Variants in HIBADH observed in about 807,000 individuals in gnomAD.
HIBADH encodes the protein 3-hydroxyisobutyrate dehydrogenase, also known as 3-hydroxyisobutyrate dehydrogenase, mitochondrial.
Under a neutral mutation model 36.1 loss-of-function variants are expected in HIBADH, and 25 were observed. The observed-to-expected ratio is 0.69, with a 90% CI of 0.50 to 0.97. The LOEUF (loss-of-function observed/expected upper bound fraction) is 0.97. Ranked by LOEUF, HIBADH falls within the 50% of genes least tolerant of loss-of-function variation. HIBADH has a pLI of 0.00. For synonymous variants in HIBADH, 160 were observed against 149.5 expected (o/e 1.07, Z -0.51); for missense variants, 421 against 418.0 (o/e 1.01, Z -0.06).
intron 4 of HIBADH, among the ~76,000 whole-genome samples, chr7:27,550,218 TA>T (rs560291536): frequency 2.9e-4 from 44 of 152,228 alleles, no homozygotes; most frequent in African/African-American, 1.0e-3. Flanking sequence ...CAGCATTTCT[TA>T]TATAATCTCA....
intron 4 of HIBADH, among the ~76,000 whole-genome samples, chr7:27,597,536 T>C (rs1392660100): frequency 6.6e-6 from 1 of 151,904 alleles, no homozygotes; most frequent in Admixed American, 6.6e-5. Flanking sequence ...GCTACACCAC[T>C]ATAAGAGGCA....
chr7:27,586,303 C>T (rs1350637917), intron 4 of HIBADH, among the ~76,000 whole-genome samples: 5 of 147,674 alleles, frequency 3.4e-5, no homozygotes, highest in Non-Finnish European at 7.4e-5. Flanking sequence ...TTACAATAAT[C>T]CAGAGCAACT....
intron 4 of HIBADH, among the ~76,000 whole-genome samples, chr7:27,621,488 TA>T (rs1283730386): frequency 6.6e-6 from 1 of 152,192 alleles, no homozygotes; most frequent in Non-Finnish European, 1.5e-5. Context: ...TAAGTCTGAA[TA>T]ACTTTTAAAA....
intron 2 of HIBADH, among the ~76,000 whole-genome samples, chr7:27,642,519 T>G (rs932942993): frequency 1.3e-5 from 2 of 152,226 alleles, no homozygotes; most frequent in African/African-American, 4.8e-5. Context: ...CTATCTCTGT[T>G]GACCTAAAGT....
chr7:27,635,772 TCTGATTG>T (rs1249068997), intron 2 of HIBADH, among the ~76,000 whole-genome samples: 2 of 140,466 alleles, frequency 1.4e-5, no homozygotes, highest in Non-Finnish European at 3.0e-5. Flanking sequence ...ATGGCTCTGC[TCTGATTG>T]TCAAGGCTGC....
chr7:27,588,007 CA>C (rs1784888763), intron 4 of HIBADH, among the ~76,000 whole-genome samples: 1 of 152,038 alleles, frequency 6.6e-6, no homozygotes, highest in Non-Finnish European at 1.5e-5. Context: ...ATACAAATAC[CA>C]ACAGAAATTT....
intron 2 of HIBADH, among the ~76,000 whole-genome samples, chr7:27,637,167 G>A (rs1181634069): frequency 6.6e-6 from 1 of 151,926 alleles, no homozygotes; most frequent in Non-Finnish European, 1.5e-5. Context: ...AGGTTCTTTT[G>A]GGCTAAGAGA....
At chr7:27,658,917 A>C (rs534581790) in intron 1 of HIBADH, among the ~76,000 whole-genome samples, 11 of 152,190 alleles carry the variant, frequency 7.2e-5, no homozygotes, top group Non-Finnish European at 1.6e-4. Flanking sequence ...AACTTATTTT[A>C]GTAATAAATA....
chr7:27,560,319 A>T (rs890790756), intron 4 of HIBADH, among the ~76,000 whole-genome samples: 1 of 152,214 alleles, frequency 6.6e-6, no homozygotes, highest in Non-Finnish European at 1.5e-5. Flanking sequence ...GGGTTTCGCC[A>T]TGTTGGCCAG....
chr7:27,526,418 G>A (rs1179119954), intron 7 of HIBADH, 46 bp from the exon 8 acceptor site: 1 of 1,523,674 alleles, frequency 6.6e-7, no homozygotes, highest in Non-Finnish European at 8.9e-7. Flanking sequence ...GGTGGTAAAG[G>A]CTCTTTGGAA....
chr7:27,643,534 G>A (rs1478968707), intron 2 of HIBADH, among the ~76,000 whole-genome samples: 4 of 152,290 alleles, frequency 2.6e-5, no homozygotes, highest in Admixed American at 6.5e-5. Flanking sequence ...GGAAACAAGC[G>A]TATAGAGACA....
intron 4 of HIBADH, among the ~76,000 whole-genome samples, chr7:27,607,058 G>T (rs2128291212): frequency 6.6e-6 from 1 of 152,246 alleles, no homozygotes; most frequent in East Asian, 1.9e-4. Flanking sequence ...AATATCCAGT[G>T]TTGCTCTATT....
intron 4 of HIBADH, among the ~76,000 whole-genome samples, chr7:27,565,200 A>G (rs1211774936): frequency 6.6e-6 from 1 of 152,156 alleles, no homozygotes; most frequent in Non-Finnish European, 1.5e-5. Context: ...TGCTGAAATT[A>G]TTCAAACTAG....
rs368715218 is a variant in HIBADH at position 27,638,308 on chromosome 7, C to CAAAAAAAAAAAAA, written c.253-5876_253-5864dup. Among the ~76,000 whole-genome samples the CAAAAAAAAAAAAA allele has an allele frequency of 1.1e-3, 59 of 55,444 alleles. 1 individual carries two copies. Among genetic ancestry groups the CAAAAAAAAAAAAA allele is most frequent in the African/African-American group, 2.1e-3 (28 of 13,426 alleles). The allele number at this position is 55,444 out of a possible 152,430, so 36.4% of individuals were successfully genotyped here. On this transcript the variant is annotated intron_variant, in intron 2 of 7. Coordinates refer to ENST00000265395, the MANE Select transcript of HIBADH (RefSeq NM_152740.4). ...ATACCCATCTGATCTTTGGCAAAGT[C>CAAAAAAAAAAAAA]AAAAAAAAAAAAAAAAAAAAAACAA...
chr7:27,592,346 G>T (rs1160061541), intron 4 of HIBADH, among the ~76,000 whole-genome samples: 1 of 152,184 alleles, frequency 6.6e-6, no homozygotes, highest in Non-Finnish European at 1.5e-5. Flanking sequence ...TCAAATGTTT[G>T]CTGGATGAAA....
rs980207830 is a variant in HIBADH, at chr7:27,654,500, A to G, written c.92-4867T>C. ...ACACTATGTAGAAAGGGAAAAAGAT[A>G]AGGATAAAGGCAGATTTCTCATCAG... On this transcript the variant is annotated intron_variant, in intron 1 of 7. Transcript: ENST00000265395. Among the ~76,000 whole-genome samples the G allele has an allele frequency of 3.9e-5, 6 of 152,188 alleles. No individual in the cohort carries two copies. In the East Asian group the frequency reaches 9.6e-4, roughly 24 times the overall value.
intron 4 of HIBADH, among the ~76,000 whole-genome samples, chr7:27,544,195 T>C (rs1784199759): frequency 6.6e-6 from 1 of 152,180 alleles, no homozygotes; most frequent in Admixed American, 6.5e-5. Flanking sequence ...TGAAATACAG[T>C]ATTTATATAT....
rs545550309 is a variant in HIBADH, at chr7:27,556,907, G to A, written c.485-13807C>T. Among the ~76,000 whole-genome samples the A allele has an allele frequency of 7.9e-5, 12 of 152,256 alleles. No homozygotes were observed. In the South Asian group the frequency reaches 1.9e-3, roughly 24 times the overall value. On this transcript the variant is annotated intron_variant, in intron 4 of 7. Transcript: ENST00000265395. The stretch of plus-strand genomic sequence containing the variant: ...CAAGGCAGGAGGATAGAGGATAAAG[G>A]AGGATAGAAGAGGATAGAGCCTGAG...
At position 27,545,003 on chromosome 7, in the gene HIBADH, G is replaced by A. The variant is rs182114674; in HGVS notation, c.485-1903C>T. Among the ~76,000 whole-genome samples, 12 of 152,232 alleles carry A rather than the reference G, an allele frequency of 7.9e-5. 1 individual carries two copies. The highest frequency in any genetic ancestry group is 4.6e-4 in the Admixed American group (7 of 15,284). On this transcript the variant is annotated intron_variant, in intron 4 of 7. Transcript: ENST00000265395. Reference sequence around the variant, plus strand: ...TTGATGTGGTATCATAATTATTTCCGACTTCATCATAACCTACATCCCAAA... The same window carrying A: ...TTGATGTGGTATCATAATTATTTCCAACTTCATCATAACCTACATCCCAAA...
Sources: allele counts gnomAD v4.1 joint callset (sites outside exome capture counted in the v4.1 genomes callset), GRCh38; gene constraint gnomAD v4.1.1; transcripts MANE v1.5; gene names NCBI Gene and HGNC (gene_info 2026-07-23, HGNC 2026-07-21).